Variants in KIAA0513 observed in about 807,000 individuals in gnomAD.
KIAA0513 encodes KIAA0513.
In KIAA0513, 39 loss-of-function variants were observed where a neutral mutation model predicts 56.5. That is an observed-to-expected ratio of 0.69 (90% confidence interval 0.53 to 0.90). KIAA0513 has a LOEUF of 0.90. Ranked by LOEUF, KIAA0513 falls within the 40% of genes least tolerant of loss-of-function variation. KIAA0513 has a pLI of 0.00. For synonymous variants in KIAA0513, 268 were observed against 215.6 expected, an observed-to-expected ratio of 1.24 and a Z score of -2.13; for missense variants, 591 against 535.2, an observed-to-expected ratio of 1.10 and a Z score of -1.03.
In KIAA0513 at chr16:85,067,256, C is replaced by G. The variant is rs766484276; in HGVS notation, c.185C>G (p.Ser62Trp). The change falls in exon 2 of 13, where the codon TCG becomes TGG. Residue 62 changes from serine to tryptophan, a missense_variant. Transcript: ENST00000683363. ...DSENDMGESP[S>W]HPSWDQDRRS... ...GAGAATGACATGGGCGAGTCGCCCT[C>G]GCACCCGTCCTGGGACCAAGACCGC... is the stretch of plus-strand genomic sequence containing the variant. 6.2e-7 allele frequency: 1 copy of G among 1,613,980 alleles called. No individual in the cohort carries two copies. Among genetic ancestry groups the G allele is most frequent in the African/African-American group, 1.3e-5 (1 of 74,944 alleles).
At chr16:85,086,934 A>T (rs763405975) in intron 11 of KIAA0513, 138 bp from the exon 12 acceptor site, 30 of 877,814 alleles carry the variant, frequency 3.4e-5, no homozygotes, top group Non-Finnish European at 5.4e-5. Context: ...GCTGGTGGCT[A>T]ATTAGGCAGC....
At chr16:85,080,374 C>T (rs1308678123) in intron 8 of KIAA0513, among the ~76,000 whole-genome samples, 2 of 152,208 alleles carry the variant, frequency 1.3e-5, no homozygotes, top group South Asian at 2.1e-4. Context: ...GTAGCGTGAA[C>T]ACCACCAGAG....
intron 1 of KIAA0513, among the ~76,000 whole-genome samples, chr16:85,029,893 C>A (rs1354834239): frequency 6.6e-6 from 1 of 152,186 alleles, no homozygotes; most frequent in East Asian, 1.9e-4. Flanking sequence ...GTTCCCATGT[C>A]ATAGATGAGG....
intron 8 of KIAA0513, 156 bp downstream of exon 8, chr16:85,079,159 T>C (rs969511584): frequency 4.8e-6 from 7 of 1,449,464 alleles, no homozygotes; most frequent in Non-Finnish European, 6.4e-6. Context: ...TCACAGGCGT[T>C]GGTGAGGATG....
chr16:85,036,432 A>G (rs1315762284), intron 1 of KIAA0513, among the ~76,000 whole-genome samples: 1 of 152,148 alleles, frequency 6.6e-6, no homozygotes, highest in Non-Finnish European at 1.5e-5. Flanking sequence ...ATTGTCCAGT[A>G]TGTGGCCTTG....
At position 85,072,184 on chromosome 16, in the gene KIAA0513, C is replaced by T. The variant is rs533242921; in HGVS notation, c.429+302C>T. Reference sequence around the variant, plus strand: ...CTTGGGCAACATAGTGAGGTCCCCCCTCCCCGCATCTCTAAAAATTAAAAA... The same window carrying T: ...CTTGGGCAACATAGTGAGGTCCCCCTTCCCCGCATCTCTAAAAATTAAAAA... On this transcript the variant is annotated intron_variant, in intron 3 of 12. Coordinates refer to ENST00000683363, the MANE Select transcript of KIAA0513 (RefSeq NM_001388359.1). Among the ~76,000 whole-genome samples, 49 of 152,210 alleles carry T rather than the reference C, an allele frequency of 3.2e-4. 1 individual carries two copies. In the South Asian group the frequency reaches 9.7e-3, roughly 30 times the overall value.
chr16:85,068,045 A>G (rs1381395170), intron 2 of KIAA0513, among the ~76,000 whole-genome samples: 1 of 151,960 alleles, frequency 6.6e-6, no homozygotes, highest in African/African-American at 2.4e-5. Flanking sequence ...TCCTGACCTC[A>G]TGTGATCCAC....
intron 2 of KIAA0513, among the ~76,000 whole-genome samples, chr16:85,071,473 C>T (rs2073572734): frequency 1.3e-5 from 2 of 152,218 alleles, no homozygotes; most frequent in African/African-American, 4.8e-5. Flanking sequence ...GCTCAGACCT[C>T]CCCAGGCAGG....
intron 8 of KIAA0513, among the ~76,000 whole-genome samples, chr16:85,080,227 C>G (rs1011449214): frequency 1.3e-5 from 2 of 152,196 alleles, no homozygotes; most frequent in African/African-American, 2.4e-5. Context: ...GGTGATTCAG[C>G]TCAGCTCCTC....
intron 1 of KIAA0513, among the ~76,000 whole-genome samples, chr16:85,064,938 G>A (rs748299690): frequency 7.2e-5 from 11 of 152,226 alleles, no homozygotes; most frequent in Non-Finnish European, 1.2e-4. Context: ...ACCCGCGTCA[G>A]CCTCCCAAAG....
In KIAA0513 at chr16:85,071,825, C is replaced by G. The variant is rs1237291873; in HGVS notation, c.372C>G (p.Tyr124Ter). The stretch of plus-strand genomic sequence containing the variant: ...AGGAGAAAGCCAAGTTTGGAGAGTA[C>G]TGCAGCAGTGAAAATGGAAAAGGCC... ...DQEEKAKFGE[Y>*]CSSENGKGRE... The change falls in exon 3 of 13, where the codon TAC becomes TAG. Residue 124 changes from tyrosine (Y) to a stop codon, truncating the protein, a stop_gained. Coordinates refer to ENST00000683363, the MANE Select transcript of KIAA0513 (RefSeq NM_001388359.1). LOFTEE classifies it high-confidence loss of function. 2 of 1,598,264 alleles carry G rather than the reference C, an allele frequency of 1.3e-6. No individual in the cohort carries two copies. Among genetic ancestry groups the G allele is most frequent in the Admixed American group, 1.7e-5 (1 of 57,994 alleles).
chr16:85,079,868 G>A (rs890637947), intron 8 of KIAA0513: 1 of 152,276 alleles, frequency 6.6e-6, no homozygotes, highest in African/African-American at 2.4e-5. Context: ...GTGTTGCAGG[G>A]GAAATCTTGG....
Position 85,088,605 on chromosome 16 carries a change from C to T in KIAA0513, c.*280C>T. On this transcript the variant is annotated 3_prime_UTR_variant, in exon 13 of 13. Coordinates refer to ENST00000683363, the MANE Select transcript of KIAA0513 (RefSeq NM_001388359.1). ...CGAGTGCCAGGCTTGTGAGATGAGACCAAGAGGGAGGAGGGGAAGGACTCC... is the reference window on the plus strand; with the variant it reads ...CGAGTGCCAGGCTTGTGAGATGAGATCAAGAGGGAGGAGGGGAAGGACTCC... 2.3e-6 allele frequency: 1 copy of T among 440,044 alleles called. No individual in the cohort carries two copies. The highest frequency in any genetic ancestry group is 4.1e-6 in the Non-Finnish European group (1 of 242,606). The allele number at this position is 440,044 out of a possible 1,614,324, so 27.3% of individuals were successfully genotyped here.
chr16:85,088,267 C>G lies in KIAA0513; in HGVS notation c.1187-9C>G, dbSNP rs377525577. 1.2e-5 allele frequency: 20 copies of G among 1,612,214 alleles called. No individual in the cohort carries two copies. The African/African-American group carries it at 2.0e-4, about 16-fold the overall frequency. On this transcript the variant is annotated splice_polypyrimidine_tract_variant and intron_variant, in intron 12 of 12. Coordinates refer to ENST00000683363, the MANE Select transcript of KIAA0513 (RefSeq NM_001388359.1). Reference sequence around the variant, plus strand: ...TTCATCTGAGAAATAACATCACTTTCTCTTCCAGAGCAATACAAGCTGCTT... The same window carrying G: ...TTCATCTGAGAAATAACATCACTTTGTCTTCCAGAGCAATACAAGCTGCTT...
At chr16:85,051,785 C>G (rs911629631) in intron 1 of KIAA0513, among the ~76,000 whole-genome samples, 6 of 150,552 alleles carry the variant, frequency 4.0e-5, no homozygotes, top group Non-Finnish European at 7.4e-5. Context: ...TGGATGCTCT[C>G]CAGGTTCTTG....
chr16:85,077,743 G>C (rs1397119949), intron 6 of KIAA0513, 111 bp downstream of exon 6: 1 of 785,368 alleles, frequency 1.3e-6, no homozygotes, highest in Non-Finnish European at 2.0e-6. Flanking sequence ...AGACTGTCAG[G>C]AACACTGCGC....
In KIAA0513 at chr16:85,067,130, C is replaced by T. The variant is rs202122801; in HGVS notation, c.59C>T (p.Thr20Ile). ...SLIDFGPEAP[T>I]SSPLEAPPPV... ...ATCGACTTTGGGCCTGAGGCACCCA[C>T]CTCTTCTCCCCTGGAGGCACCACCC... The change falls in exon 2 of 13, where the codon ACC (threonine) becomes ATC (isoleucine). Residue 20 changes from threonine (T) to isoleucine (I), a missense_variant. Physicochemically the swap from Thr to Ile is moderately conservative, Grantham distance 89 (BLOSUM62 -1). Transcript: ENST00000683363. 6.2e-6 allele frequency: 10 copies of T among 1,612,814 alleles called. No individual in the cohort carries two copies. Among genetic ancestry groups the T allele is most frequent in the African/African-American group, 1.3e-5 (1 of 74,910 alleles).
intron 1 of KIAA0513, among the ~76,000 whole-genome samples, chr16:85,030,344 G>A (rs1357325246): frequency 6.6e-6 from 1 of 152,190 alleles, no homozygotes; most frequent in Non-Finnish European, 1.5e-5. Flanking sequence ...ACCCAAAAGA[G>A]AAATGCGGTG....
chr16:85,047,253 A>G (rs1055176694), intron 1 of KIAA0513, among the ~76,000 whole-genome samples: 8 of 152,194 alleles, frequency 5.3e-5, no homozygotes, highest in African/African-American at 1.9e-4. Context: ...TTCAGTGCTC[A>G]GGGTCTGTGC....
Sources: allele counts gnomAD v4.1 joint callset (sites outside exome capture counted in the v4.1 genomes callset), GRCh38; gene constraint gnomAD v4.1.1; transcripts MANE v1.5; gene names NCBI Gene and HGNC (gene_info 2026-07-23, HGNC 2026-07-21).